ANKRD36: variants seen among roughly 807,000 people sequenced by gnomAD.
The protein encoded by ANKRD36 is ankyrin repeat domain 36, also known as ankyrin repeat domain-containing protein 36A.
ANKRD36 carries 179 observed loss-of-function variants against 278.1 expected under a neutral mutation model. The ratio of observed to expected loss-of-function variants is 0.64; its 90% CI spans 0.57 to 0.73. The LOEUF is 0.73. Ranked by LOEUF, ANKRD36 falls within the 30% of genes least tolerant of loss-of-function variation. The probability of loss-of-function intolerance (pLI) is 0.00; values close to 1 mark genes in which losing one functional copy is unlikely to be tolerated. For synonymous variants in ANKRD36, 320 were observed against 641.1 expected, an observed-to-expected ratio of 0.50 and a Z score of 7.57; for missense variants, 1,159 against 1,956.7, an observed-to-expected ratio of 0.59 and a Z score of 7.69.
At chr2:97,176,473 G>T in intron 22 of ANKRD36, among the ~76,000 whole-genome samples, 1 of 143,662 alleles carries the variant, frequency 7.0e-6, no homozygotes, top group Non-Finnish European at 1.6e-5. Flanking sequence ...TTTTCCATTT[G>T]CTTGGTAGAT....
intron 40 of ANKRD36, 97 bp from the exon 41 acceptor site, chr2:97,196,496 G>A (rs1575666338): frequency 6.4e-6 from 10 of 1,572,350 alleles, no homozygotes; most frequent in Non-Finnish European, 7.7e-6. Context: ...TGCTAATACA[G>A]GCAGGAGGAC....
intron 67 of ANKRD36, among the ~76,000 whole-genome samples, chr2:97,230,032 T>C (rs1400735326): frequency 2.0e-5 from 3 of 152,148 alleles, no homozygotes; most frequent in Non-Finnish European, 1.5e-5. Flanking sequence ...GGCTTCCCTT[T>C]GTGGGCAACC....
At chr2:97,196,425 T>C (rs1295972907) in intron 40 of ANKRD36, among the ~76,000 whole-genome samples, 168 bp from the exon 41 acceptor site, 10 of 152,104 alleles carry the variant, frequency 6.6e-5, no homozygotes, top group Non-Finnish European at 1.0e-4. Flanking sequence ...TATTCCCTTT[T>C]CTTAGTGTAT....
chr2:97,201,211 CT>C (rs2061290156), intron 46 of ANKRD36, among the ~76,000 whole-genome samples: 1 of 151,874 alleles, frequency 6.6e-6, no homozygotes, highest in African/African-American at 2.4e-5. Context: ...AGAGATACAT[CT>C]TTTGTTGATT....
intron 46 of ANKRD36, among the ~76,000 whole-genome samples, chr2:97,201,988 T>C (rs1335334273): frequency 4.0e-5 from 6 of 151,882 alleles, no homozygotes; most frequent in East Asian, 1.9e-4. Context: ...AATCATACCA[T>C]GTTTGAAATT....
rs78850501 is a variant in ANKRD36, at chr2:97,190,145, T to G, written c.2246-833T>G. Among the ~76,000 whole-genome samples, 2 of 89,980 alleles carry G rather than the reference T, an allele frequency of 2.2e-5. 1 individual carries two copies. The highest frequency in any genetic ancestry group is 5.2e-5 in the African/African-American group (2 of 38,688). The allele number at this position is 89,980 out of a possible 152,430, so 59.0% of individuals were successfully genotyped here. ...AGAAGGCTATTTTAGAAACAAAAAT[T>G]ATGTTGAATTCTAATTAACTCCTAA... On this transcript the variant is annotated intron_variant, in intron 34 of 75. Coordinates refer to ENST00000420699, the MANE Select transcript of ANKRD36 (RefSeq NM_001354587.1).
At chr2:97,204,799 C>G (rs1041493163) in intron 50 of ANKRD36, among the ~76,000 whole-genome samples, 21 of 151,486 alleles carry the variant, frequency 1.4e-4, no homozygotes, top group Non-Finnish European at 2.7e-4. Context: ...TGAGTGAACT[C>G]ACTTCAGATG....
chr2:97,146,957 T>C (rs2044418861), intron 11 of ANKRD36, among the ~76,000 whole-genome samples: 1 of 151,976 alleles, frequency 6.6e-6, no homozygotes, highest in African/African-American at 2.4e-5. Context: ...CAAAACTTTG[T>C]CCAAATATTT....
chr2:97,204,180 A>G lies in ANKRD36; in HGVS notation c.2989-11A>G, dbSNP rs762921678. ...TTATTAATTTATTATTTCATTTCAA[A>G]TTCCATTCAGGCTACAAGTGATGAG... On this transcript the variant is annotated splice_polypyrimidine_tract_variant and intron_variant, in intron 49 of 75. Transcript: ENST00000420699. 5.2e-5 allele frequency: 82 copies of G among 1,582,194 alleles called. No individual in the cohort carries two copies. The highest frequency in any genetic ancestry group is 4.6e-4 in the Middle Eastern group (2 of 4,394).
chr2:97,193,081 T>C, intron 38 of ANKRD36, 28 bp downstream of exon 38: 1 of 1,511,588 alleles, frequency 6.6e-7, no homozygotes, highest in Non-Finnish European at 8.9e-7. Flanking sequence ...TTTAATGTCA[T>C]GTTCAGTGCA....
At chr2:97,224,452 G>GTTT (rs199810806) in intron 66 of ANKRD36, among the ~76,000 whole-genome samples, 1 of 137,980 alleles carries the variant, frequency 7.2e-6, no homozygotes, top group African/African-American at 2.8e-5. Flanking sequence ...TTGTTTTTTT[G>GTTT]TTTTTTTTTT....
intron 4 of ANKRD36, among the ~76,000 whole-genome samples, chr2:97,123,945 TATC>T (rs2153416204): frequency 8.9e-6 from 1 of 112,618 alleles, no homozygotes; most frequent in South Asian, 2.4e-4. Context: ...GATATATTAT[TATC>T]CTCCATATTT....
chr2:97,200,633 A>T, intron 46 of ANKRD36, 108 bp downstream of exon 46: 1 of 1,465,010 alleles, frequency 6.8e-7, no homozygotes, highest in Non-Finnish European at 9.1e-7. Flanking sequence ...TGATTCACCA[A>T]GCTTGAGATT....
At chr2:97,143,041 A>G (rs949115037) in intron 8 of ANKRD36, among the ~76,000 whole-genome samples, 2 of 151,920 alleles carry the variant, frequency 1.3e-5, no homozygotes, top group African/African-American at 4.8e-5. Context: ...TCTTCCCCAC[A>G]GTGAAATTGG....
intron 42 of ANKRD36, among the ~76,000 whole-genome samples, 184 bp downstream of exon 42, chr2:97,196,972 G>A (rs374910387): frequency 9.2e-5 from 14 of 151,892 alleles, no homozygotes; most frequent in African/African-American, 2.9e-4. Flanking sequence ...GATCTTCGCC[G>A]TAAGATTATA....
chr2:97,173,751 G>A (rs199874304), intron 22 of ANKRD36, among the ~76,000 whole-genome samples: 24 of 151,804 alleles, frequency 1.6e-4, no homozygotes, highest in Admixed American at 1.4e-3. Flanking sequence ...GTGGGAAGTC[G>A]CTTAATGGAA....
chr2:97,252,665 T>A (rs1465862171), intron 75 of ANKRD36, among the ~76,000 whole-genome samples: 4 of 142,156 alleles, frequency 2.8e-5, no homozygotes, highest in African/African-American at 1.0e-4. Context: ...ATGGAGTTTC[T>A]CCCTGTTAGC....
At chr2:97,138,840 C>T (rs2042171419) in intron 6 of ANKRD36, among the ~76,000 whole-genome samples, 1 of 152,134 alleles carries the variant, frequency 6.6e-6, no homozygotes, top group Middle Eastern at 3.4e-3. Context: ...AAAGGATTCC[C>T]TATTTAATAA....
Position 97,137,337 on chromosome 2 carries a change from A to T in ANKRD36, c.800-5303A>T, listed in dbSNP as rs553349613. ...ACTTTTTTTTTGTATTTTTGTTGAG[A>T]TGGGATTTCACCATGTTTGGCCAGG... On this transcript the variant is annotated intron_variant, in intron 6 of 75. Coordinates refer to ENST00000420699, the MANE Select transcript of ANKRD36 (RefSeq NM_001354587.1). Among the ~76,000 whole-genome samples, 8 of 151,718 alleles carry T rather than the reference A, an allele frequency of 5.3e-5. 1 individual carries two copies. The highest frequency in any genetic ancestry group is 4.6e-4 in the Admixed American group (7 of 15,148).
Sources: allele counts gnomAD v4.1 joint callset (sites outside exome capture counted in the v4.1 genomes callset), GRCh38; gene constraint gnomAD v4.1.1; transcripts MANE v1.5; gene names NCBI Gene and HGNC (gene_info 2026-07-23, HGNC 2026-07-21).